The following GPHN variants were observed in gnomAD, a reference collection of about 807,000 sequenced individuals.
GPHN encodes the protein gephyrin.
Under a neutral mutation model 95.5 loss-of-function variants are expected in GPHN, and 17 were observed. That is an observed-to-expected ratio of 0.18 (90% CI 0.12 to 0.27). GPHN has a LOEUF of 0.27. GPHN is among the 10% of genes least tolerant of loss of function. GPHN has a pLI of 1.00. For synonymous variants in GPHN, 320 were observed against 322.5 expected (o/e 0.99, Z 0.08); for missense variants, 660 against 978.1 (o/e 0.67, Z 4.34).
intron 8 of GPHN, among the ~76,000 whole-genome samples, chr14:66,941,457 A>G (rs914341199): frequency 2.6e-5 from 4 of 152,156 alleles, no homozygotes; most frequent in African/African-American, 9.7e-5. Flanking sequence ...TGTAGCCTCA[A>G]ATACCTGTGA....
chr14:67,575,434 G>A, the GPHN span: 34 of 1,609,938 alleles, frequency 2.1e-5, no homozygotes, highest in Non-Finnish European at 2.8e-5. Context: ...CGCTCTTGTT[G>A]GGAAAATCTT....
chr14:67,295,104 A>ATGT, the GPHN span: 1 of 138,012 alleles, frequency 7.2e-6, no homozygotes, highest in African/African-American at 2.9e-5. Context: ...GAGATATTGA[A>ATGT]GTGTGTGTGT....
At chr14:67,164,743 C>T (rs1411454400) in intron 19 of GPHN, among the ~76,000 whole-genome samples, 1 of 152,106 alleles carries the variant, frequency 6.6e-6, no homozygotes, top group East Asian at 1.9e-4. Context: ...CCACCCCCCT[C>T]AGCCTCCCAA....
chr14:67,168,883 G>T, intron 20 of GPHN, 50 bp from the exon 21 acceptor site: 1 of 1,147,502 alleles, frequency 8.7e-7, no homozygotes, highest in South Asian at 1.2e-5. Context: ...ATAATTATTT[G>T]GCAAATTGTT....
chr14:67,273,582 T>TA, the GPHN span, among the ~76,000 whole-genome samples: 1 of 152,208 alleles, frequency 6.6e-6, no homozygotes, highest in South Asian at 2.1e-4. Flanking sequence ...GCAGTCAACA[T>TA]ATGTGTGCAT....
the GPHN span, among the ~76,000 whole-genome samples, chr14:67,641,578 A>G: frequency 6.6e-6 from 1 of 152,246 alleles, no homozygotes; most frequent in South Asian, 2.1e-4. Context: ...GGATCTTGTA[A>G]ATAATCAATA....
chr14:66,735,299 A>C (rs2072159987), intron 2 of GPHN, among the ~76,000 whole-genome samples: 1 of 152,110 alleles, frequency 6.6e-6, no homozygotes, highest in South Asian at 2.1e-4. Context: ...ACCTTTGATG[A>C]TGTCACATCT....
the GPHN span, among the ~76,000 whole-genome samples, chr14:67,425,915 A>ATT: frequency 6.8e-6 from 1 of 147,942 alleles, no homozygotes; most frequent in Non-Finnish European, 1.5e-5. Context: ...CAAAAAAAAA[A>ATT]TTTTTTTTTT....
chr14:67,292,359 T>C, the GPHN span: 1 of 566,360 alleles, frequency 1.8e-6, no homozygotes, highest in Admixed American at 3.3e-5. Context: ...TTAAAACCTA[T>C]GAAATGACCA....
the GPHN span, among the ~76,000 whole-genome samples, chr14:67,288,149 C>T: frequency 6.6e-6 from 1 of 152,062 alleles, no homozygotes. Context: ...GTGCGATCTC[C>T]GCTCACTGCA....
At chr14:66,758,110 A>C (rs2058630624) in intron 2 of GPHN, among the ~76,000 whole-genome samples, 1 of 152,220 alleles carries the variant, frequency 6.6e-6, no homozygotes, top group Non-Finnish European at 1.5e-5. Context: ...TGGGCACGAC[A>C]GTGTAGAAAA....
At chr14:67,230,825 T>C in the GPHN span, among the ~76,000 whole-genome samples, 1 of 152,244 alleles carries the variant, frequency 6.6e-6, no homozygotes, top group East Asian at 1.9e-4. Context: ...CAGTTGTGCT[T>C]TCCACAGTTT....
the GPHN span, among the ~76,000 whole-genome samples, chr14:67,251,791 C>T: frequency 6.6e-6 from 1 of 152,172 alleles, no homozygotes; most frequent in African/African-American, 2.4e-5. Context: ...TCTTTTGTTT[C>T]AGTGAGTCAA....
At chr14:67,444,253 T>C in the GPHN span, among the ~76,000 whole-genome samples, 1 of 152,226 alleles carries the variant, frequency 6.6e-6, no homozygotes, top group Non-Finnish European at 1.5e-5. Context: ...GTCATGGGCA[T>C]GCATCCTCAA....
At chr14:67,712,765 G>T in the GPHN span, among the ~76,000 whole-genome samples, 3 of 152,308 alleles carry the variant, frequency 2.0e-5, no homozygotes, top group Admixed American at 6.5e-5. Context: ...GGGAAAAAAA[G>T]AAGGCAGAAC....
At chr14:66,535,014 T>A (rs1284141565) in intron 1 of GPHN, among the ~76,000 whole-genome samples, 2 of 152,084 alleles carry the variant, frequency 1.3e-5, no homozygotes, top group East Asian at 3.8e-4. Context: ...CTTTTTATGG[T>A]TTAGTTGGTT....
At chr14:67,050,395 C>T (rs1007502559) in intron 10 of GPHN, among the ~76,000 whole-genome samples, 3 of 152,134 alleles carry the variant, frequency 2.0e-5, no homozygotes, top group African/African-American at 7.2e-5. Flanking sequence ...ATTAAATACC[C>T]CAAGTATTTA....
the GPHN span, chr14:67,200,139 T>TC: frequency 9.0e-7 from 1 of 1,112,964 alleles, no homozygotes; most frequent in African/African-American, 1.6e-5. Flanking sequence ...CATTCTGATC[T>TC]CCCATGGGTC....
At chr14:66,645,142 T>C (rs1357236188) in intron 1 of GPHN, among the ~76,000 whole-genome samples, 1 of 152,164 alleles carries the variant, frequency 6.6e-6, no homozygotes, top group African/African-American at 2.4e-5. Flanking sequence ...AATTGCTTCT[T>C]AGAAATTCCT....
Sources: allele counts gnomAD v4.1 joint callset (sites outside exome capture counted in the v4.1 genomes callset), GRCh38; gene constraint gnomAD v4.1.1; transcripts MANE v1.5; gene names NCBI Gene and HGNC (gene_info 2026-07-23, HGNC 2026-07-21).